The following CADM2 variants were observed in gnomAD, a reference collection of about 807,000 sequenced individuals.
CADM2 encodes the protein cell adhesion molecule 2, also known as immunoglobulin superfamily member 4D.
A neutral mutation model predicts 49.8 loss-of-function variants in CADM2; 12 were observed. The ratio of observed to expected loss-of-function variants is 0.24; its 90% CI spans 0.15 to 0.39. The LOEUF (loss-of-function observed/expected upper bound fraction) is 0.39. Among genes scored for constraint, CADM2 ranks in the 10% least tolerant of loss-of-function variants. The probability of loss-of-function intolerance (pLI) is 1.00; values close to 1 mark genes in which losing one functional copy is unlikely to be tolerated. For missense variants in CADM2, 378 were observed against 492.3 expected (o/e 0.77, Z 2.20); for synonymous variants, 214 against 175.4 (o/e 1.22, Z -1.74).
intron 2 of CADM2, among the ~76,000 whole-genome samples, chr3:85,762,166 A>C (rs528138682): frequency 6.6e-6 from 1 of 152,104 alleles, no homozygotes; most frequent in African/African-American, 2.4e-5. Flanking sequence ...GCAATCAGAA[A>C]CCCCCTTACT....
At chr3:85,484,983 C>A (rs2039360049) in intron 1 of CADM2, among the ~76,000 whole-genome samples, 1 of 151,820 alleles carries the variant, frequency 6.6e-6, no homozygotes, top group African/African-American at 2.4e-5. Context: ...CAACCACAAA[C>A]CCCTGTCAAA....
At position 86,070,015 on chromosome 3, in the gene CADM2, A is replaced by G. The variant is rs1739716598; in HGVS notation, c.*3232A>G. On this transcript the variant is annotated 3_prime_UTR_variant, in exon 10 of 10. Transcript: ENST00000383699. ...AGAGAGAAAGAGAAATCGAAAAGAG[A>G]GAGAAATTTCAACTTGTTTTCTTTT... 1.3e-5 allele frequency: 2 copies of G among 151,856 alleles called. No individual in the cohort carries two copies. The highest frequency in any genetic ancestry group is 2.9e-5 in the Non-Finnish European group (2 of 67,798). The allele number at this position is 151,856 out of a possible 1,614,324, so 9.4% of individuals were successfully genotyped here. A position where few individuals can be genotyped will look rare whatever the true frequency, so the allele number is the denominator to read the frequency against.
intron 1 of CADM2, among the ~76,000 whole-genome samples, chr3:85,125,010 C>G (rs1295641447): frequency 1.3e-5 from 2 of 152,090 alleles, no homozygotes; most frequent in Non-Finnish European, 2.9e-5. Context: ...AAATAAAATG[C>G]TCTAAGAACA....
chr3:85,724,903 T>G (rs901213575), intron 1 of CADM2, among the ~76,000 whole-genome samples: 9 of 151,934 alleles, frequency 5.9e-5, no homozygotes, highest in Admixed American at 1.3e-4. Flanking sequence ...ATTTTAAAAC[T>G]TAAGTTTTGA....
In CADM2 at chr3:85,541,775, T is replaced by TATATATATATATATATATA. The variant is rs1559897737; in HGVS notation, c.62-184747_62-184746insATATATATATATATATATA. On this transcript the variant is annotated intron_variant, in intron 1 of 9. Transcript: ENST00000383699. ...ATATTTTATATATATATTTTATATTTTATATATATATATATATATGTATAG... is the reference window on the plus strand; with the variant it reads ...ATATTTTATATATATATTTTATATTTATATATATATATATATATATATATATATATATATATATGTATAG... Among the ~76,000 whole-genome samples the TATATATATATATATATATA allele has an allele frequency of 6.9e-3, 610 of 88,214 alleles. 26 individuals carry two copies. Among genetic ancestry groups the TATATATATATATATATATA allele is most frequent in the African/African-American group, 0.019 (571 of 30,648 alleles). 57.9% of individuals were successfully genotyped at this position (88,214 alleles called of 152,430 possible).
intron 1 of CADM2, among the ~76,000 whole-genome samples, chr3:85,566,905 ATTTCAT>A (rs1416660808): frequency 2.0e-5 from 3 of 152,188 alleles, no homozygotes; most frequent in Non-Finnish European, 4.4e-5. Context: ...TTCACAAACA[ATTTCAT>A]TCTACATGTT....
chr3:85,389,066 G>C (rs1041634134), intron 1 of CADM2, among the ~76,000 whole-genome samples: 1 of 152,032 alleles, frequency 6.6e-6, no homozygotes, highest in Non-Finnish European at 1.5e-5. Context: ...TTAAAACAAA[G>C]TCTGTACATT....
intron 1 of CADM2, among the ~76,000 whole-genome samples, chr3:85,477,122 A>G (rs1292119624): frequency 6.6e-6 from 1 of 151,788 alleles, no homozygotes; most frequent in Non-Finnish European, 1.5e-5. Context: ...ACCACTGGGT[A>G]TGTGTTTCCC....
intron 2 of CADM2, among the ~76,000 whole-genome samples, chr3:85,765,250 T>A (rs2069599687): frequency 1.3e-5 from 2 of 152,136 alleles, no homozygotes; most frequent in Non-Finnish European, 2.9e-5. Context: ...CCTTTGCTTC[T>A]TTTGAAAATT....
chr3:85,973,442 T>G (rs1390441729), intron 8 of CADM2, among the ~76,000 whole-genome samples: 1 of 151,820 alleles, frequency 6.6e-6, no homozygotes, highest in East Asian at 2.0e-4. Flanking sequence ...CCTGATGAAG[T>G]GCAAAAGTTT....
chr3:85,526,162 C>T (rs1231299377), intron 1 of CADM2, among the ~76,000 whole-genome samples: 1 of 151,922 alleles, frequency 6.6e-6, no homozygotes, highest in Non-Finnish European at 1.5e-5. Flanking sequence ...AAATTTTATA[C>T]CTCATCCCAT....
intron 1 of CADM2, among the ~76,000 whole-genome samples, chr3:85,016,796 A>AAAAAAT (rs2034267344): frequency 6.6e-6 from 1 of 152,128 alleles, no homozygotes; most frequent in African/African-American, 2.4e-5. Context: ...CCATCTAAAA[A>AAAAAAT]AAAAATAAAA....
intron 1 of CADM2, among the ~76,000 whole-genome samples, chr3:85,237,109 C>A (rs1349226476): frequency 2.0e-5 from 3 of 151,888 alleles, no homozygotes. Flanking sequence ...TTGCTCAAGG[C>A]CACACATATA....
At chr3:85,253,945 G>T (rs1193440664) in intron 1 of CADM2, among the ~76,000 whole-genome samples, 1 of 152,080 alleles carries the variant, frequency 6.6e-6, no homozygotes, top group Non-Finnish European at 1.5e-5. Context: ...CCAGCTGGTT[G>T]TCTTAGAATT....
At chr3:85,282,511 A>T (rs1334018083) in intron 1 of CADM2, among the ~76,000 whole-genome samples, 1 of 150,514 alleles carries the variant, frequency 6.6e-6, no homozygotes, top group South Asian at 2.1e-4. Context: ...ACCTCAAACA[A>T]TCTACCCGCC....
At chr3:85,279,156 C>A (rs989422470) in intron 1 of CADM2, among the ~76,000 whole-genome samples, 12 of 151,382 alleles carry the variant, frequency 7.9e-5, no homozygotes, top group African/African-American at 2.9e-4. Context: ...GCAGCTTGTG[C>A]TTTTCTGTAG....
chr3:85,457,538 T>C lies in CADM2; in HGVS notation c.62-268984T>C, dbSNP rs1337992589. On this transcript the variant is annotated intron_variant, in intron 1 of 9. Transcript: ENST00000383699. ...TACCTTTTCTACCCTGCTTTCTCTA[T>C]ACTATCATCATCTCATCTCAGCCTG... Among the ~76,000 whole-genome samples the C allele has an allele frequency of 2.0e-5, 3 of 152,324 alleles. No homozygotes were observed. In the East Asian group the frequency reaches 5.8e-4, roughly 29 times the overall value.
chr3:85,686,880 C>A (rs752473357), intron 1 of CADM2, among the ~76,000 whole-genome samples: 1 of 152,140 alleles, frequency 6.6e-6, no homozygotes, highest in Non-Finnish European at 1.5e-5. Context: ...AGTTGTCTTG[C>A]CTTTTCAGAC....
chr3:85,624,253 TA>T (rs2064057738), intron 1 of CADM2, among the ~76,000 whole-genome samples: 3 of 152,308 alleles, frequency 2.0e-5, no homozygotes, highest in Admixed American at 2.0e-4. Context: ...AGTGTTAACA[TA>T]ATATCTAGCC....
Sources: gnomAD v4.1 joint callset for allele counts (sites outside exome capture counted in the v4.1 genomes callset) on GRCh38, gnomAD v4.1.1 for gene constraint, MANE v1.5 for transcripts, NCBI Gene and HGNC (gene_info 2026-07-23, HGNC 2026-07-21) for gene names.